Variants in CD99L2 observed in about 807,000 individuals in gnomAD.
CD99L2 encodes CD99 antigen-like protein 2.
A neutral mutation model predicts 27.3 loss-of-function variants in CD99L2; 24 were observed. The ratio of observed to expected loss-of-function variants is 0.88; its 90% CI spans 0.64 to 1.24. The LOEUF (loss-of-function observed/expected upper bound fraction) is 1.24. Among genes scored for constraint, CD99L2 ranks in the 50% most tolerant of loss-of-function variants. The pLI, the probability that CD99L2 is intolerant of heterozygous loss-of-function variation, is 0.00. For missense variants in CD99L2, 255 were observed against 221.6 expected (o/e 1.15, Z -0.96); for synonymous variants, 97 against 87.9 (o/e 1.10, Z -0.58).
rs1291401116 is a variant in CD99L2 at position 150,824,090 on chromosome X, AAAG to A, written c.130+7138_130+7140del. Among the ~76,000 whole-genome samples, 24 of 77,953 alleles carry A rather than the reference AAAG, an allele frequency of 3.1e-4. 1 individual carries two copies. The highest frequency in any genetic ancestry group is 1.8e-3 in the Admixed American group (14 of 7,758). The allele number at this position is 77,953 out of a possible 115,157, so 67.7% of individuals were successfully genotyped here. Reference sequence around the variant, plus strand: ...GAGGAGGAGGAAGAGGAAGAAGAAGAAAGAAGAAGGAAGAAGGAAGAAGGAAGA... The same window carrying A: ...GAGGAGGAGGAAGAGGAAGAAGAAGAAAGAAGGAAGAAGGAAGAAGGAAGA... On this transcript the variant is annotated intron_variant, in intron 2 of 10. Coordinates refer to ENST00000370377, the MANE Select transcript of CD99L2 (RefSeq NM_031462.4).
chrX:150,781,092 G>C (rs1193348698), intron 7 of CD99L2, among the ~76,000 whole-genome samples: 1 of 109,418 alleles, frequency 9.1e-6, no homozygotes, highest in Non-Finnish European at 1.9e-5. Context: ...GCAGCAAAAA[G>C]CTGAGGGGAA....
At chrX:150,850,914 C>G (rs145853413) in intron 1 of CD99L2, among the ~76,000 whole-genome samples, 1 of 111,274 alleles carries the variant, frequency 9.0e-6, no homozygotes, top group African/African-American at 3.3e-5. Context: ...CTCAGCTCAC[C>G]GCAACCTCTG....
intron 1 of CD99L2, among the ~76,000 whole-genome samples, chrX:150,870,270 A>G (rs1290761681): frequency 9.0e-6 from 1 of 110,823 alleles, no homozygotes; most frequent in Admixed American, 9.6e-5. Context: ...CCTCTGTGAA[A>G]GCATGTTTAT....
intron 9 of CD99L2, among the ~76,000 whole-genome samples, chrX:150,771,129 G>A (rs782215994): frequency 8.9e-6 from 1 of 111,992 alleles, no homozygotes; most frequent in South Asian, 3.7e-4. Flanking sequence ...GTAGCACAGG[G>A]ACTGGAACCC....
intron 10 of CD99L2, among the ~76,000 whole-genome samples, 175 bp downstream of exon 10, chrX:150,770,129 G>C (rs1557418972): frequency 8.9e-6 from 1 of 112,910 alleles, no homozygotes; most frequent in Non-Finnish European, 1.9e-5. Flanking sequence ...TGTCACCCCA[G>C]CATCTTTGGG....
chrX:150,798,576 A>G (rs868960826), intron 4 of CD99L2, among the ~76,000 whole-genome samples: 5 of 111,851 alleles, frequency 4.5e-5, no homozygotes, highest in Admixed American at 3.8e-4. Flanking sequence ...CATGAAAAAA[A>G]GAAATAGTTC....
At chrX:150,770,485 G>A (rs1320517636) in intron 9 of CD99L2, 116 bp from the exon 10 acceptor site, 3 of 628,684 alleles carry the variant, frequency 4.8e-6, no homozygotes, top group Admixed American at 5.7e-5. Flanking sequence ...AGCTCCCCTG[G>A]GGAACTCAAA....
chrX:150,860,576 CT>C (rs1161926409), intron 1 of CD99L2, among the ~76,000 whole-genome samples: 1 of 112,102 alleles, frequency 8.9e-6, no homozygotes, highest in East Asian at 2.8e-4. Context: ...CACTGAAAAA[CT>C]TTACCAAAAC....
At chrX:150,789,664 C>T (rs1394678028) in intron 7 of CD99L2, among the ~76,000 whole-genome samples, 4 of 111,461 alleles carry the variant, frequency 3.6e-5, no homozygotes, top group African/African-American at 1.3e-4. Context: ...GCAGAAGAAT[C>T]ACCTGAGCCC....
intron 1 of CD99L2, among the ~76,000 whole-genome samples, chrX:150,890,874 T>A (rs1457820613): frequency 6.2e-5 from 7 of 113,293 alleles, no homozygotes; most frequent in African/African-American, 2.2e-4. Flanking sequence ...GCAGGTGGCC[T>A]GCAACATGGG....
chrX:150,776,951 G>C lies in CD99L2; in HGVS notation c.535+493C>G, dbSNP rs782102396. 2.9e-5 allele frequency: 4 copies of C among 138,285 alleles called. No individual in the cohort carries two copies. The Admixed American group carries it at 3.4e-4, about 12-fold the overall frequency. The allele number at this position is 138,285 out of a possible 1,213,427, so 11.4% of individuals were successfully genotyped here. A position where few individuals can be genotyped will look rare whatever the true frequency, so the allele number is the denominator to read the frequency against. On this transcript the variant is annotated intron_variant, in intron 8 of 10. Coordinates refer to ENST00000370377, the MANE Select transcript of CD99L2 (RefSeq NM_031462.4). The stretch of plus-strand genomic sequence containing the variant: ...GTCCAGAAAGGTGGGACAACTCAAA[G>C]CAGGGGTAGAGGTGGGGTGCTTCCA...
chrX:150,832,402 T>C (rs2046457607), intron 1 of CD99L2, among the ~76,000 whole-genome samples: 1 of 111,297 alleles, frequency 9.0e-6, no homozygotes, highest in South Asian at 3.8e-4. Flanking sequence ...GGTGGGTAGA[T>C]CACTTGAGGT....
chrX:150,768,905 G>C lies in CD99L2; in HGVS notation c.*129C>G. On this transcript the variant is annotated 3_prime_UTR_variant, in exon 11 of 11. Transcript: ENST00000370377. ...CTCACAAACACCCAGAGCTCATCCG[G>C]GAAACTCAGACCAACAAGGAGCCGA... 1 of 1,062,553 alleles carries C rather than the reference G, an allele frequency of 9.4e-7. No individual in the cohort carries two copies. 87.6% of individuals were successfully genotyped at this position (1,062,553 alleles called of 1,213,427 possible).
At chrX:150,821,939 A>G (rs2046248890) in intron 2 of CD99L2, among the ~76,000 whole-genome samples, 1 of 112,256 alleles carries the variant, frequency 8.9e-6, no homozygotes, top group Non-Finnish European at 1.9e-5. Context: ...AAAATGCTTC[A>G]GCCACTGTGG....
rs782413229 is a variant in CD99L2 at position 150,898,620 on chromosome X, CACAGTT to C, written c.-38_-33del. ...GAGCAGGCGGAGGGCCCCGGAGGAG[CACAGTT>C]AGCGCGAGAGCGCCCGAAGGGGAGG... On this transcript the variant is annotated 5_prime_UTR_variant, in exon 1 of 11. Coordinates refer to ENST00000370377, the MANE Select transcript of CD99L2 (RefSeq NM_031462.4). 9.2e-7 allele frequency: 1 copy of C among 1,081,996 alleles called. No homozygotes were observed. Among genetic ancestry groups the C allele is most frequent in the South Asian group, 2.2e-5 (1 of 44,974 alleles). 89.2% of individuals were successfully genotyped at this position (1,081,996 alleles called of 1,213,427 possible).
chrX:150,887,666 G>C (rs1603322435), intron 1 of CD99L2, among the ~76,000 whole-genome samples: 1 of 110,117 alleles, frequency 9.1e-6, no homozygotes, highest in East Asian at 2.9e-4. Context: ...CACGGAGAAA[G>C]CCTGTACAAA....
At chrX:150,848,954 A>G (rs782515405) in intron 1 of CD99L2, among the ~76,000 whole-genome samples, 5 of 111,356 alleles carry the variant, frequency 4.5e-5, no homozygotes, top group Non-Finnish European at 9.4e-5. Flanking sequence ...ATCCCGTGCT[A>G]AGGGTCACTG....
intron 9 of CD99L2, among the ~76,000 whole-genome samples, chrX:150,774,615 A>G (rs1397603481): frequency 1.8e-5 from 2 of 112,048 alleles, no homozygotes; most frequent in African/African-American, 6.5e-5. Context: ...GCCAAATGCA[A>G]TAAGAACACG....
intron 9 of CD99L2, chrX:150,771,773 A>T: frequency 8.7e-7 from 1 of 1,153,695 alleles, no homozygotes; most frequent in Admixed American, 2.6e-5. Context: ...GGCTGAAGCA[A>T]AAGGAAAGTG....
Sources: gnomAD v4.1 joint callset for allele counts (sites outside exome capture counted in the v4.1 genomes callset) on GRCh38, gnomAD v4.1.1 for gene constraint, MANE v1.5 for transcripts, NCBI Gene and HGNC (gene_info 2026-07-23, HGNC 2026-07-21) for gene names.